LRFN5: variants seen among roughly 807,000 people sequenced by gnomAD.
LRFN5 encodes the protein leucine rich repeat and fibronectin type III domain containing 5.
In LRFN5, 24 loss-of-function variants were observed where a neutral mutation model predicts 45.6. That is an observed-to-expected ratio of 0.53 (90% CI 0.38 to 0.74). The LOEUF is 0.74. Ranked by LOEUF, LRFN5 falls within the 30% of genes least tolerant of loss-of-function variation. The probability of loss-of-function intolerance (pLI) is 0.00; values close to 1 mark genes in which losing one functional copy is unlikely to be tolerated. For synonymous variants in LRFN5, 340 were observed against 313.8 expected, an observed-to-expected ratio of 1.08 and a Z score of -0.88; for missense variants, 776 against 861.5, an observed-to-expected ratio of 0.90 and a Z score of 1.24.
chr14:41,892,067 T>C (rs1890805702), intron 4 of LRFN5, 105 bp downstream of exon 4: 1 of 1,486,812 alleles, frequency 6.7e-7, no homozygotes, highest in African/African-American at 1.4e-5. Flanking sequence ...GCCGAACACA[T>C]GTGGACTGTT....
chr14:41,748,386 A>C (rs1885004793), intron 1 of LRFN5, among the ~76,000 whole-genome samples: 1 of 152,094 alleles, frequency 6.6e-6, no homozygotes, highest in Non-Finnish European at 1.5e-5. Flanking sequence ...AATGTTGAGG[A>C]GATTATGCTA....
In LRFN5 at chr14:41,886,649, G is replaced by C; in HGVS notation, c.24G>C (p.Leu8=). The C allele has an allele frequency of 1.3e-6, 2 of 1,585,482 alleles. No individual in the cohort carries two copies. Among genetic ancestry groups the C allele is most frequent in the Middle Eastern group, 1.7e-4 (1 of 5,884 alleles). The stretch of plus-strand genomic sequence containing the variant: ...CAATGGAAAAAATTCTTTTTTATCT[G>C]TTTCTCATTGGCATAGCAGTGAAAG... The part of the protein sequence containing the change: MEKILFY[L]FLIGIAVKAQ... The change falls in exon 3 of 6, where the codon CTG becomes CTC. Residue 8 remains leucine (L), a synonymous_variant. Coordinates refer to ENST00000298119, the MANE Select transcript of LRFN5 (RefSeq NM_152447.5).
chr14:41,876,566 G>A (rs986300875), intron 2 of LRFN5, among the ~76,000 whole-genome samples: 1 of 151,902 alleles, frequency 6.6e-6, no homozygotes, highest in Admixed American at 6.6e-5. Context: ...AAAGTGTTGG[G>A]ATTACAGGCG....
At chr14:41,718,214 C>T (rs577321689) in intron 1 of LRFN5, among the ~76,000 whole-genome samples, 1 of 152,162 alleles carries the variant, frequency 6.6e-6, no homozygotes, top group Non-Finnish European at 1.5e-5. Flanking sequence ...GGTTCCTCAT[C>T]TGTCAAAAGG....
chr14:41,863,698 T>A (rs1456783774), intron 2 of LRFN5, among the ~76,000 whole-genome samples: 2 of 152,232 alleles, frequency 1.3e-5, no homozygotes, highest in African/African-American at 4.8e-5. Flanking sequence ...TGTTTTATTA[T>A]TATACTTTAA....
Position 41,891,782 on chromosome 14 carries a change from T to C in LRFN5, c.1918T>C (p.Ser640Pro), listed in dbSNP as rs763620729. The C allele has an allele frequency of 1.9e-6, 3 of 1,614,064 alleles. No homozygotes were observed. Among genetic ancestry groups the C allele is most frequent in the Admixed American group, 3.3e-5 (2 of 60,006 alleles). ...TTCCTGGACTTCAAGCACTTCTGTG[T>C]CCCAAAAGCAGAAAAGAAAGACTGG... The part of the protein sequence containing the change: ...PPSWTSSTSV[S>P]QKQKRKTGTK... Residue 640 changes from serine (S) to proline (P), a missense_variant, in exon 4 of 6, where the codon TCC becomes CCC. Physicochemically the swap from Ser to Pro is moderately conservative, Grantham distance 74. Coordinates refer to ENST00000298119, the MANE Select transcript of LRFN5 (RefSeq NM_152447.5).
intron 1 of LRFN5, among the ~76,000 whole-genome samples, chr14:41,627,292 A>G (rs1167167295): frequency 2.0e-5 from 3 of 152,120 alleles, no homozygotes; most frequent in Non-Finnish European, 2.9e-5. Flanking sequence ...ATCTGTTAGG[A>G]GTCACACACC....
At chr14:41,630,775 T>C (rs1408781569) in intron 1 of LRFN5, among the ~76,000 whole-genome samples, 1 of 152,160 alleles carries the variant, frequency 6.6e-6, no homozygotes, top group Non-Finnish European at 1.5e-5. Flanking sequence ...AAGTCTTTTA[T>C]ATACGATTAG....
intron 4 of LRFN5, among the ~76,000 whole-genome samples, chr14:41,897,028 G>T (rs776222069): frequency 1.1e-4 from 16 of 151,720 alleles, no homozygotes; most frequent in Non-Finnish European, 1.9e-4. Flanking sequence ...GGAGTCGGAG[G>T]TTGCAGTGAG....
At chr14:41,663,076 T>A (rs1459977165) in intron 1 of LRFN5, among the ~76,000 whole-genome samples, 1 of 152,146 alleles carries the variant, frequency 6.6e-6, no homozygotes, top group Admixed American at 6.5e-5. Flanking sequence ...GGAAACTGTT[T>A]ACATGCAGTT....
intron 1 of LRFN5, among the ~76,000 whole-genome samples, chr14:41,639,049 C>T (rs1265612624): frequency 6.6e-6 from 1 of 151,944 alleles, no homozygotes; most frequent in Non-Finnish European, 1.5e-5. Context: ...TTCAATAAAA[C>T]ATACCTGAAA....
chr14:41,883,468 A>G (rs1890458161), intron 2 of LRFN5, among the ~76,000 whole-genome samples: 1 of 152,190 alleles, frequency 6.6e-6, no homozygotes, highest in Non-Finnish European at 1.5e-5. Context: ...GCCTAAAGAC[A>G]CTATCCTTTA....
At chr14:41,792,358 A>C (rs1886953670) in intron 2 of LRFN5, among the ~76,000 whole-genome samples, 1 of 152,014 alleles carries the variant, frequency 6.6e-6, no homozygotes, top group Non-Finnish European at 1.5e-5. Flanking sequence ...AACAACAGAA[A>C]ACAGGTTCGA....
intron 2 of LRFN5, among the ~76,000 whole-genome samples, chr14:41,778,595 A>G (rs1010330532): frequency 6.6e-6 from 1 of 151,748 alleles, no homozygotes; most frequent in Non-Finnish European, 1.5e-5. Context: ...TAATGAAGAA[A>G]GGTTTATAAA....
At chr14:41,794,260 T>C (rs1209800213) in intron 2 of LRFN5, among the ~76,000 whole-genome samples, 1 of 152,082 alleles carries the variant, frequency 6.6e-6, no homozygotes, top group Non-Finnish European at 1.5e-5. Context: ...TTTGTAATAA[T>C]ACTAAACTGG....
At chr14:41,686,189 G>A (rs1463081168) in intron 1 of LRFN5, among the ~76,000 whole-genome samples, 4 of 151,902 alleles carry the variant, frequency 2.6e-5, no homozygotes, top group South Asian at 2.1e-4. Context: ...CACATCCCCC[G>A]TTAGCTGTAT....
chr14:41,681,542 T>A lies in LRFN5; in HGVS notation c.-197+72980T>A, dbSNP rs545975343. ...TATCCTATAATAGTATATCCAGCAATAATATCCATCAAATATAAGGGAGAA... is the reference window on the plus strand; with the variant it reads ...TATCCTATAATAGTATATCCAGCAAAAATATCCATCAAATATAAGGGAGAA... On this transcript the variant is annotated intron_variant, in intron 1 of 5. Coordinates refer to ENST00000298119, the MANE Select transcript of LRFN5 (RefSeq NM_152447.5). 3.9e-5 allele frequency among the ~76,000 whole-genome samples: 6 copies of A among 152,018 alleles called. No individual in the cohort carries two copies. In the South Asian group the frequency reaches 1.0e-3, roughly 26 times the overall value.
chr14:41,816,557 CTA>C (rs1491581963), intron 2 of LRFN5, among the ~76,000 whole-genome samples: 8 of 151,484 alleles, frequency 5.3e-5, no homozygotes, highest in African/African-American at 1.5e-4. Context: ...GTACAGTATT[CTA>C]TGTTTTTTTC....
intron 1 of LRFN5, among the ~76,000 whole-genome samples, chr14:41,661,046 C>T (rs537923703): frequency 9.9e-5 from 15 of 150,774 alleles, no homozygotes; most frequent in Non-Finnish European, 2.1e-4. Context: ...ATAATAGATG[C>T]TAATCTCGTA....
Sources: gnomAD v4.1 joint callset for allele counts (sites outside exome capture counted in the v4.1 genomes callset) on GRCh38, gnomAD v4.1.1 for gene constraint, MANE v1.5 for transcripts, NCBI Gene and HGNC (gene_info 2026-07-23, HGNC 2026-07-21) for gene names.